CLEC17A: variants seen among roughly 807,000 people sequenced by gnomAD.
The protein encoded by CLEC17A is C-type lectin domain family 17, member A.
Under a neutral mutation model 61.3 loss-of-function variants are expected in CLEC17A, and 37 were observed. The observed-to-expected ratio is 0.60, with a 90% confidence interval of 0.46 to 0.79. The LOEUF (loss-of-function observed/expected upper bound fraction) is 0.79. CLEC17A is among the 30% of genes least tolerant of loss of function. CLEC17A has a pLI of 0.00. For synonymous variants in CLEC17A, 168 were observed against 164.9 expected, an observed-to-expected ratio of 1.02 and a Z score of -0.14; for missense variants, 418 against 464.7, an observed-to-expected ratio of 0.90 and a Z score of 0.92.
At chr19:14,586,530 C>A (rs2074285267) in intron 2 of CLEC17A, among the ~76,000 whole-genome samples, 1 of 152,054 alleles carries the variant, frequency 6.6e-6, no homozygotes, top group Admixed American at 6.6e-5. Context: ...TCAAGCAATC[C>A]TCCCACCTCA....
upstream of CLEC17A, among the ~76,000 whole-genome samples, chr19:14,581,608 A>T (rs943308712): frequency 2.6e-5 from 4 of 152,006 alleles, no homozygotes; most frequent in Admixed American, 2.6e-4. Flanking sequence ...TTGGGATTAC[A>T]GGCGTGAGCC....
At chr19:14,581,134 T>C (rs927150356), upstream of CLEC17A, among the ~76,000 whole-genome samples, 1 of 152,106 alleles carries the variant, frequency 6.6e-6, no homozygotes, top group African/African-American at 2.4e-5. Context: ...AACCTAATGT[T>C]CCCCATGGGC....
At position 14,599,757 on chromosome 19, in the gene CLEC17A, T is replaced by A; in HGVS notation, c.687T>A (p.Ile229=). 6.2e-7 allele frequency: 1 copy of A among 1,613,982 alleles called. No homozygotes were observed. Among genetic ancestry groups the A allele is most frequent in the Non-Finnish European group, 8.5e-7 (1 of 1,179,870 alleles). ...GGCTAGCTGGCCTGAAGCATGACAT[T>A]GCCCGTGTAAGAGCTGACACCAACC... is the stretch of plus-strand genomic sequence containing the variant. The part of the protein sequence containing the change: ...MAGLAGLKHD[I]ARVRADTNQS... The change falls in exon 11 of 14, where the codon ATT becomes ATA. Residue 229 remains isoleucine, a synonymous_variant. Transcript: ENST00000417570.
At position 14,594,653 on chromosome 19, in the gene CLEC17A, C is replaced by T. The variant is rs757963370; in HGVS notation, c.332C>T (p.Pro111Leu). The T allele has an allele frequency of 7.4e-6, 12 of 1,613,798 alleles. No individual in the cohort carries two copies. In the African/African-American group the frequency reaches 1.3e-4, roughly 18 times the overall value. The change falls in exon 6 of 14, where the codon CCA (proline) becomes CTA (leucine). Residue 111 changes from proline to leucine, a missense_variant. Transcript: ENST00000417570. ...TCAGCAAAGGAAACAGAGAAACCCCCACTTCCTTGCAAGCCCCGGAACATG... is the reference window on the plus strand; with the variant it reads ...TCAGCAAAGGAAACAGAGAAACCCCTACTTCCTTGCAAGCCCCGGAACATG... ...PRAAKETEKP[P>L]LPCKPRNMTG...
At chr19:14,583,016 G>C, upstream of CLEC17A, 1 of 763,002 alleles carries the variant, frequency 1.3e-6, no homozygotes, top group Non-Finnish European at 2.2e-6. Context: ...TGAGGTCTGA[G>C]GGCTTCCTGT....
At chr19:14,598,062 A>G (rs1305203719) in intron 10 of CLEC17A, among the ~76,000 whole-genome samples, 2 of 152,318 alleles carry the variant, frequency 1.3e-5, no homozygotes, top group African/African-American at 4.8e-5. Flanking sequence ...TCCATTCCAC[A>G]CTGCCTCACC....
chr19:14,594,651 C>T lies in CLEC17A; in HGVS notation c.330C>T (p.Pro110=), dbSNP rs1404951941. ...PPRAAKETEK[P]PLPCKPRNMT... ...CCTCAGCAAAGGAAACAGAGAAACC[C>T]CCACTTCCTTGCAAGCCCCGGAACA... The change falls in exon 6 of 14, where the codon CCC becomes CCT. Residue 110 remains proline (P), a synonymous_variant. Coordinates refer to ENST00000417570, the MANE Select transcript of CLEC17A (RefSeq NM_001204118.2). The T allele has an allele frequency of 1.9e-6, 3 of 1,613,760 alleles. No individual in the cohort carries two copies. The highest frequency in any genetic ancestry group is 1.7e-5 in the Admixed American group (1 of 59,972).
chr19:14,582,246 T>G (rs1200280900), upstream of CLEC17A, among the ~76,000 whole-genome samples: 1 of 149,090 alleles, frequency 6.7e-6, no homozygotes, highest in Admixed American at 6.7e-5. Context: ...GGAGTCTCGC[T>G]CTGTCACCCA....
chr19:14,598,224 G>A (rs2074597494), intron 10 of CLEC17A, among the ~76,000 whole-genome samples: 1 of 152,136 alleles, frequency 6.6e-6, no homozygotes, highest in Non-Finnish European at 1.5e-5. Context: ...GGGTGGCCAA[G>A]GTGGGAGGAT....
chr19:14,609,954 T>C, intron 13 of CLEC17A, 110 bp from the exon 14 acceptor site: 8 of 771,238 alleles, frequency 1.0e-5, no homozygotes, highest in Admixed American at 2.2e-5. Flanking sequence ...CGGCCTAATA[T>C]GGGTTTTGCC....
chr19:14,595,965 CA>C (rs2074537859), intron 8 of CLEC17A, among the ~76,000 whole-genome samples: 1 of 110 alleles, frequency 9.1e-3, no homozygotes. Context: ...GTATTGTTGA[CA>C]ATGACAATGT....
chr19:14,595,152 G>T, intron 7 of CLEC17A, 122 bp from the exon 8 acceptor site: 2 of 1,123,130 alleles, frequency 1.8e-6, no homozygotes, highest in Non-Finnish European at 1.3e-6. Flanking sequence ...AATTACAGGC[G>T]TGAGCCACTG....
At chr19:14,585,994 C>G (rs2074270193) in intron 2 of CLEC17A, among the ~76,000 whole-genome samples, 1 of 152,154 alleles carries the variant, frequency 6.6e-6, no homozygotes, top group Non-Finnish European at 1.5e-5. Flanking sequence ...TTACCACTTC[C>G]AGGAGGTACT....
Position 14,592,322 on chromosome 19 carries a change from T to G in CLEC17A, c.241T>G (p.Ser81Ala). 1.2e-6 allele frequency: 2 copies of G among 1,604,284 alleles called. No individual in the cohort carries two copies. The highest frequency in any genetic ancestry group is 2.2e-5 in the South Asian group (2 of 89,622). The change falls in exon 4 of 14, where the codon TCA becomes GCA. Residue 81 changes from serine (S) to alanine (A), a missense_variant. By Grantham distance (99) the Ser-to-Ala change is moderately conservative (BLOSUM62 1). Coordinates refer to ENST00000417570, the MANE Select transcript of CLEC17A (RefSeq NM_001204118.2). ...GGAGGAGGATGATGACTATGAGAAC[T>G]CAACACCTCCCTACAAGGACCTTCC... The part of the protein sequence containing the change: ...EEEEDDDYEN[S>A]TPPYKDLPPK...
intron 8 of CLEC17A, 139 bp from the exon 9 acceptor site, chr19:14,596,737 C>T (rs1003024045): frequency 1.0e-6 from 1 of 996,550 alleles, no homozygotes; most frequent in Non-Finnish European, 1.4e-6. Context: ...CTCCCTAACC[C>T]TCTCTTGCTG....
Position 14,599,758 on chromosome 19 carries a change from G to A in CLEC17A, c.688G>A (p.Ala230Thr). 1 of 1,613,934 alleles carries A rather than the reference G, an allele frequency of 6.2e-7. No individual in the cohort carries two copies. The highest frequency in any genetic ancestry group is 8.5e-7 in the Non-Finnish European group (1 of 1,179,878). ...GCTAGCTGGCCTGAAGCATGACATT[G>A]CCCGTGTAAGAGCTGACACCAACCA... ...AGLAGLKHDI[A>T]RVRADTNQSL... Residue 230 changes from alanine (A) to threonine (T), a missense_variant, in exon 11 of 14, where the codon GCC becomes ACC. Ala to Thr is a moderately conservative substitution (Grantham distance 58). Coordinates refer to ENST00000417570, the MANE Select transcript of CLEC17A (RefSeq NM_001204118.2).
chr19:14,590,609 A>C (rs542758442), intron 3 of CLEC17A, among the ~76,000 whole-genome samples: 1 of 152,036 alleles, frequency 6.6e-6, no homozygotes, highest in South Asian at 2.1e-4. Flanking sequence ...CTGGTCTCGA[A>C]CTCCCGACCT....
In CLEC17A at chr19:14,597,156, C is replaced by A. The variant is rs1352521000; in HGVS notation, c.641C>A (p.Thr214Lys). ...AGCTTTCAGCAGATGACGTGGCGAA[C>A]AAATAGTGAGTGCTTTCAGTCATTC... Reference protein sequence around the residue: ...MLSFQQMTWRTNMTGMAGLAG... With the variant: ...MLSFQQMTWRKNMTGMAGLAG... Residue 214 changes from threonine to lysine, a missense_variant, in exon 10 of 14, where the codon ACA (threonine) becomes AAA (lysine). Physicochemically the swap from Thr to Lys is moderately conservative, Grantham distance 78. Transcript: ENST00000417570. 1 of 1,609,800 alleles carries A rather than the reference C, an allele frequency of 6.2e-7. No homozygotes were observed. The highest frequency in any genetic ancestry group is 8.5e-7 in the Non-Finnish European group (1 of 1,178,042).
chr19:14,582,553 C>T (rs573321190), upstream of CLEC17A, among the ~76,000 whole-genome samples: 2 of 151,916 alleles, frequency 1.3e-5, no homozygotes, highest in Non-Finnish European at 2.9e-5. Flanking sequence ...CCAGGATAAA[C>T]CATCCATCTC....
Sources: allele counts gnomAD v4.1 joint callset (sites outside exome capture counted in the v4.1 genomes callset), GRCh38; gene constraint gnomAD v4.1.1; transcripts MANE v1.5; gene names NCBI Gene and HGNC (gene_info 2026-07-23, HGNC 2026-07-21).